Variants in SPMAP2L observed in about 807,000 individuals in gnomAD.
SPMAP2L encodes the protein sperm microtubule associated protein 2 like.
the SPMAP2L span, among the ~76,000 whole-genome samples, chr4:56,555,748 A>C: frequency 8.0e-6 from 1 of 125,250 alleles, no homozygotes; most frequent in South Asian, 2.9e-4. Context: ...TTTTTATTTC[A>C]AATTCCGATT....
At chr4:56,596,976 A>G in the SPMAP2L span, among the ~76,000 whole-genome samples, 2 of 152,228 alleles carry the variant, frequency 1.3e-5, no homozygotes, top group African/African-American at 2.4e-5. Context: ...TTGGAGCTCT[A>G]TGCTAATCAG....
chr4:56,601,176 C>T, the SPMAP2L span: 1 of 1,390,792 alleles, frequency 7.2e-7, no homozygotes, highest in African/African-American at 1.5e-5. Flanking sequence ...AGAAAGTTGA[C>T]CTAATAAGGC....
the SPMAP2L span, among the ~76,000 whole-genome samples, chr4:56,541,784 T>C: frequency 6.6e-6 from 1 of 152,164 alleles, no homozygotes; most frequent in South Asian, 2.1e-4. Flanking sequence ...ATGTCATAAT[T>C]ACACCAAACA....
chr4:56,605,052 T>G, the SPMAP2L span, among the ~76,000 whole-genome samples: 1 of 152,198 alleles, frequency 6.6e-6, no homozygotes, highest in Admixed American at 6.5e-5. Flanking sequence ...ATGGGTACAG[T>G]GTACACTGCT....
At chr4:56,547,748 A>T in the SPMAP2L span, among the ~76,000 whole-genome samples, 2 of 152,194 alleles carry the variant, frequency 1.3e-5, no homozygotes, top group Admixed American at 1.3e-4. Context: ...AAACTCTTGG[A>T]TGGGATTAAA....
the SPMAP2L span, among the ~76,000 whole-genome samples, chr4:56,586,068 C>G: frequency 6.6e-6 from 1 of 152,128 alleles, no homozygotes; most frequent in Admixed American, 6.6e-5. Flanking sequence ...GGCCTTTTCT[C>G]TGCTCCATGA....
At chr4:56,581,253 G>A in the SPMAP2L span, among the ~76,000 whole-genome samples, 1 of 152,118 alleles carries the variant, frequency 6.6e-6, no homozygotes, top group Admixed American at 6.6e-5. Flanking sequence ...TCAGGAGTTC[G>A]AGACTAGCCT....
At chr4:56,585,823 T>A in the SPMAP2L span, among the ~76,000 whole-genome samples, 1 of 152,168 alleles carries the variant, frequency 6.6e-6, no homozygotes, top group East Asian at 1.9e-4. Flanking sequence ...TGGACTACAG[T>A]GTATTTTTTT....
the SPMAP2L span, among the ~76,000 whole-genome samples, chr4:56,566,951 T>A: frequency 1.3e-5 from 2 of 152,002 alleles, no homozygotes. Context: ...CACCTTGGCC[T>A]CCCAAAGTTC....
the SPMAP2L span, chr4:56,601,146 C>G: frequency 6.7e-7 from 1 of 1,496,998 alleles, no homozygotes; most frequent in South Asian, 1.3e-5. Context: ...ACAGGAAAGG[C>G]TGGGGTTCTG....
chr4:56,584,650 C>A, the SPMAP2L span: 1 of 1,318,620 alleles, frequency 7.6e-7, no homozygotes, highest in Non-Finnish European at 1.1e-6. Flanking sequence ...TCCTGATTGA[C>A]TTGTAACATG....
At chr4:56,565,455 G>A in the SPMAP2L span, among the ~76,000 whole-genome samples, 1 of 152,148 alleles carries the variant, frequency 6.6e-6, no homozygotes, top group Non-Finnish European at 1.5e-5. Context: ...GACATGACTG[G>A]AAAGTTACAC....
At chr4:56,561,485 G>A in the SPMAP2L span, among the ~76,000 whole-genome samples, 1 of 152,114 alleles carries the variant, frequency 6.6e-6, no homozygotes, top group Admixed American at 6.6e-5. Context: ...CTCATAACAT[G>A]AAGAAGAAAG....
the SPMAP2L span, among the ~76,000 whole-genome samples, chr4:56,618,596 AACTC>A: frequency 6.6e-6 from 1 of 152,134 alleles, no homozygotes; most frequent in South Asian, 2.1e-4. Context: ...ATCTCGTGAG[AACTC>A]ACTCACTATC....
chr4:56,567,871 T>C, the SPMAP2L span, among the ~76,000 whole-genome samples: 2 of 152,152 alleles, frequency 1.3e-5, no homozygotes, highest in South Asian at 2.1e-4. Context: ...TAAAATTGGA[T>C]CTTTAAATTT....
chr4:56,555,159 G>C, the SPMAP2L span, among the ~76,000 whole-genome samples: 4 of 151,866 alleles, frequency 2.6e-5, no homozygotes, highest in African/African-American at 9.7e-5. Context: ...GGCTGGTCTC[G>C]AACTCCTGAC....
At chr4:56,600,590 C>G in the SPMAP2L span, among the ~76,000 whole-genome samples, 1 of 152,200 alleles carries the variant, frequency 6.6e-6, no homozygotes, top group Admixed American at 6.5e-5. Flanking sequence ...ACGCATCCAG[C>G]CCAGCATGGG....
At chr4:56,622,842 C>G in the SPMAP2L span, among the ~76,000 whole-genome samples, 1 of 152,192 alleles carries the variant, frequency 6.6e-6, no homozygotes, top group South Asian at 2.1e-4. Context: ...TTCTCCATAA[C>G]TCAGCTTGCT....
chr4:56,537,165 G>C, the SPMAP2L span, among the ~76,000 whole-genome samples: 1 of 152,092 alleles, frequency 6.6e-6, no homozygotes, highest in Non-Finnish European at 1.5e-5. Flanking sequence ...TCCTAGTTTA[G>C]CATCCACCTG....
Sources: allele counts gnomAD v4.1 joint callset (sites outside exome capture counted in the v4.1 genomes callset), GRCh38; gene constraint gnomAD v4.1.1; transcripts MANE v1.5; gene names NCBI Gene and HGNC (gene_info 2026-07-23, HGNC 2026-07-21).